Variants in ENTPD1 observed in about 807,000 individuals in gnomAD.
ENTPD1 encodes the protein ectonucleoside triphosphate diphosphohydrolase 1.
In ENTPD1, 33 loss-of-function variants were observed where a neutral mutation model predicts 57.0. The observed-to-expected ratio is 0.58, with a 90% confidence interval of 0.44 to 0.77. The LOEUF (loss-of-function observed/expected upper bound fraction) is 0.77, where lower values mean the gene tolerates loss of function less well. ENTPD1 is among the 30% of genes least tolerant of loss of function. ENTPD1 has a pLI of 0.00. For synonymous variants in ENTPD1, 202 were observed against 218.8 expected (o/e 0.92, Z 0.68); for missense variants, 501 against 603.4 (o/e 0.83, Z 1.78).
intron 7 of ENTPD1, among the ~76,000 whole-genome samples, chr10:95,859,253 T>C (rs2098461130): frequency 6.6e-6 from 1 of 152,204 alleles, no homozygotes. Flanking sequence ...TGGTGGAGGA[T>C]ATTTTTCCTC....
At chr10:95,771,068 A>G (rs1361791786) in intron 1 of ENTPD1, among the ~76,000 whole-genome samples, 1 of 151,858 alleles carries the variant, frequency 6.6e-6, no homozygotes, top group Non-Finnish European at 1.5e-5. Flanking sequence ...GTTTTTTAGT[A>G]TTTATTTTCT....
chr10:95,705,954 T>A, the ENTPD1 span, among the ~76,000 whole-genome samples: 6 of 151,992 alleles, frequency 3.9e-5, no homozygotes, highest in African/African-American at 1.5e-4. Flanking sequence ...AAAAATTTAG[T>A]TGGGTGTGAT....
At position 95,742,643 on chromosome 10, in the gene ENTPD1, C is replaced by G. The variant is rs530702927; in HGVS notation, c.37+30650C>G. ...GAGTTCAATGTAACAAGGCCATTTC[C>G]GTGTCTTGGCACACAGCCTGAGTTA... On this transcript the variant is annotated intron_variant, in intron 1 of 9. Coordinates refer to the ENTPD1 transcript ENST00000453258. Among the ~76,000 whole-genome samples the G allele has an allele frequency of 7.9e-5, 12 of 151,490 alleles. No individual in the cohort carries two copies. In the East Asian group the frequency reaches 2.3e-3, roughly 29 times the overall value.
At position 95,866,841 on chromosome 10, in the gene ENTPD1, A is replaced by G; in HGVS notation, c.*458A>G. On this transcript the variant is annotated 3_prime_UTR_variant, in exon 10 of 10. Coordinates refer to ENST00000371205, the MANE Select transcript of ENTPD1 (RefSeq NM_001776.6). ...TGCCATCCATTAAGAAAGCCATATG[A>G]TGCCTTTGGAGAAGGCAGACACACA... The G allele has an allele frequency of 9.5e-7, 1 of 1,048,588 alleles. No homozygotes were observed. The highest frequency in any genetic ancestry group is 8.0e-5 in the East Asian group (1 of 12,466). The allele number at this position is 1,048,588 out of a possible 1,614,324, so 65.0% of individuals were successfully genotyped here.
chr10:95,802,905 A>G (rs1247764232), intron 1 of ENTPD1, among the ~76,000 whole-genome samples: 4 of 152,184 alleles, frequency 2.6e-5, no homozygotes, highest in Non-Finnish European at 5.9e-5. Flanking sequence ...TAGTGCCGCA[A>G]TAAACATACG....
At chr10:95,820,385 A>G (rs1471537220) in intron 1 of ENTPD1, among the ~76,000 whole-genome samples, 2 of 152,204 alleles carry the variant, frequency 1.3e-5, no homozygotes, top group African/African-American at 4.8e-5. Flanking sequence ...GTAGGATGAA[A>G]GGCTTGCATA....
the ENTPD1 span, among the ~76,000 whole-genome samples, chr10:95,694,895 ATTTTTTTTTT>A: frequency 4.1e-5 from 4 of 98,744 alleles, no homozygotes; most frequent in Admixed American, 1.1e-4. Flanking sequence ...TGAGGAGCTG[ATTTTTTTTTT>A]TTTTTTTTTT....
chr10:95,769,535 G>A (rs1213359648), intron 1 of ENTPD1, among the ~76,000 whole-genome samples: 2 of 152,236 alleles, frequency 1.3e-5, no homozygotes, highest in Admixed American at 6.5e-5. Flanking sequence ...GCATCCTGCA[G>A]GCCACTGTAT....
chr10:95,830,233 G>A (rs2098392126), intron 2 of ENTPD1, among the ~76,000 whole-genome samples: 1 of 152,208 alleles, frequency 6.6e-6, no homozygotes, highest in Non-Finnish European at 1.5e-5. Flanking sequence ...GTGTTGAAGA[G>A]TGACAGCTTG....
At chr10:95,704,054 G>A in the ENTPD1 span, among the ~76,000 whole-genome samples, 1 of 152,072 alleles carries the variant, frequency 6.6e-6, no homozygotes, top group Non-Finnish European at 1.5e-5. Context: ...TCACGCCACT[G>A]CACTCCAGCC....
Position 95,873,802 on chromosome 10 carries a change from A to G in ENTPD1, c.*7419A>G, listed in dbSNP as rs2098483007. The G allele has an allele frequency of 1.4e-6, 1 of 738,018 alleles. No homozygotes were observed. Among genetic ancestry groups the G allele is most frequent in the Non-Finnish European group, 1.7e-6 (1 of 603,932 alleles). The allele number at this position is 738,018 out of a possible 1,614,324, so 45.7% of individuals were successfully genotyped here. On this transcript the variant is annotated 3_prime_UTR_variant, in exon 10 of 10. Coordinates refer to ENST00000371205, the MANE Select transcript of ENTPD1 (RefSeq NM_001776.6). Reference sequence around the variant, plus strand: ...GTTCCACATGGCTGGGGAGGCCTCAAAATCAGGTGGGAGGCAAAAGGTACT... The same window carrying G: ...GTTCCACATGGCTGGGGAGGCCTCAGAATCAGGTGGGAGGCAAAAGGTACT...
At chr10:95,812,168 T>C (rs1461062751) in intron 1 of ENTPD1, among the ~76,000 whole-genome samples, 1 of 152,244 alleles carries the variant, frequency 6.6e-6, no homozygotes, top group Non-Finnish European at 1.5e-5. Context: ...TATAAAGTCA[T>C]TTAACCACCA....
chr10:95,756,341 T>TG, intron 1 of ENTPD1, 86 bp downstream of exon 1: 1 of 1,430,884 alleles, frequency 7.0e-7, no homozygotes, highest in Non-Finnish European at 9.5e-7. Context: ...AGCAAGTACT[T>TG]GAAAGCTGGA....
At chr10:95,751,267 G>A (rs2098011531), upstream of ENTPD1, among the ~76,000 whole-genome samples, 1 of 152,164 alleles carries the variant, frequency 6.6e-6, no homozygotes, top group African/African-American at 2.4e-5. Context: ...TATGCACTAT[G>A]GCAGAAGTGA....
At chr10:95,774,507 A>C (rs886323509) in intron 1 of ENTPD1, among the ~76,000 whole-genome samples, 1 of 152,186 alleles carries the variant, frequency 6.6e-6, no homozygotes, top group African/African-American at 2.4e-5. Flanking sequence ...TAATTTTTGT[A>C]TAAGGTGTAA....
intron 7 of ENTPD1, among the ~76,000 whole-genome samples, chr10:95,852,681 AT>A (rs752082569): frequency 1.3e-5 from 2 of 152,204 alleles, no homozygotes; most frequent in African/African-American, 2.4e-5. Context: ...CATTTATTAA[AT>A]AGGGAATCCT....
intron 3 of ENTPD1, 92 bp from the exon 4 acceptor site, chr10:95,842,252 T>A: frequency 8.2e-7 from 1 of 1,219,696 alleles, no homozygotes; most frequent in Non-Finnish European, 1.2e-6. Flanking sequence ...TTCTTGTATT[T>A]TTTTCAAAAC....
At chr10:95,810,036 G>A (rs1216736664) in intron 1 of ENTPD1, among the ~76,000 whole-genome samples, 2 of 143,678 alleles carry the variant, frequency 1.4e-5, no homozygotes, top group East Asian at 4.1e-4. Flanking sequence ...TCGCAGTCGG[G>A]CAGAGGCACT....
chr10:95,809,070 C>T (rs1426467693), intron 1 of ENTPD1, among the ~76,000 whole-genome samples: 1 of 152,182 alleles, frequency 6.6e-6, no homozygotes, highest in African/African-American at 2.4e-5. Flanking sequence ...CATCCCAAGG[C>T]AGAAGAATTT....
Sources: allele counts gnomAD v4.1 joint callset (sites outside exome capture counted in the v4.1 genomes callset), GRCh38; gene constraint gnomAD v4.1.1; transcripts MANE v1.5; gene names NCBI Gene and HGNC (gene_info 2026-07-23, HGNC 2026-07-21).